RBM45: variants seen among roughly 807,000 people sequenced by gnomAD.
The protein encoded by RBM45 is RNA-binding protein 45.
A neutral mutation model predicts 58.5 loss-of-function variants in RBM45; 39 were observed. The ratio of observed to expected loss-of-function variants is 0.67; its 90% CI spans 0.52 to 0.87. RBM45 has a LOEUF of 0.87. Among genes scored for constraint, RBM45 ranks in the 40% least tolerant of loss-of-function variants. RBM45 has a pLI of 0.00. For synonymous variants in RBM45, 193 were observed against 203.0 expected (o/e 0.95, Z 0.42); for missense variants, 481 against 581.6 (o/e 0.83, Z 1.78).
chr2:178,130,153 T>A (rs1477849959), downstream of RBM45, among the ~76,000 whole-genome samples: 3 of 152,160 alleles, frequency 2.0e-5, no homozygotes, highest in East Asian at 5.8e-4. Flanking sequence ...TAATGGCCAC[T>A]CCAAAAATAT....
At chr2:178,125,953 T>C (rs756904940) in intron 8 of RBM45, 31 bp from the exon 9 acceptor site, 1 of 1,586,608 alleles carries the variant, frequency 6.3e-7, no homozygotes, top group Admixed American at 1.7e-5. Context: ...TTTATCAATT[T>C]TGGTTGATTA....
At chr2:178,113,018 A>T (rs1204561235) in intron 1 of RBM45, among the ~76,000 whole-genome samples, 172 bp downstream of exon 1, 1 of 152,158 alleles carries the variant, frequency 6.6e-6, no homozygotes, top group Non-Finnish European at 1.5e-5. Flanking sequence ...CTCCCCTCCC[A>T]CGAAGCTGCG....
downstream of RBM45, among the ~76,000 whole-genome samples, chr2:178,132,875 A>C (rs1487551827): frequency 1.3e-5 from 2 of 152,212 alleles, no homozygotes; most frequent in Admixed American, 1.3e-4. Flanking sequence ...GGCGTGAACC[A>C]CTGCACCCAG....
At chr2:178,125,594 G>C (rs2087918509) in intron 8 of RBM45, 1 of 385,392 alleles carries the variant, frequency 2.6e-6, no homozygotes, top group Non-Finnish European at 5.2e-6. Context: ...GACAATGTCA[G>C]AACGGCTCTA....
intron 7 of RBM45, 26 bp downstream of exon 7, chr2:178,123,938 A>G (rs192369980): frequency 1.9e-6 from 3 of 1,570,858 alleles, no homozygotes; most frequent in Non-Finnish European, 2.6e-6. Context: ...TTTAACCTTT[A>G]TAATATATCA....
intron 3 of RBM45, 142 bp from the exon 4 acceptor site, chr2:178,120,145 G>A: frequency 1.0e-6 from 1 of 979,834 alleles, no homozygotes; most frequent in Non-Finnish European, 1.5e-6. Context: ...AAGCAAAGAA[G>A]TAGGTCTGGA....
Position 178,112,503 on chromosome 2 carries a change from C to A in RBM45, c.-44C>A. The A allele has an allele frequency of 6.4e-7, 1 of 1,560,820 alleles. No homozygotes were observed. Among genetic ancestry groups the A allele is most frequent in the Non-Finnish European group, 8.7e-7 (1 of 1,143,436 alleles). The stretch of plus-strand genomic sequence containing the variant: ...GAGACAGCAGCGGTGGCAGACACCG[C>A]AGAAGCAAAGAGCAGTGAGGCTCCT... On this transcript the variant is annotated 5_prime_UTR_variant, in exon 1 of 10. Coordinates refer to ENST00000286070, the MANE Select transcript of RBM45 (RefSeq NM_152945.4).
chr2:178,137,280 C>G (rs891142372), exon 4 of RBM45: 3 of 152,160 alleles, frequency 2.0e-5, no homozygotes, highest in African/African-American at 7.2e-5. Flanking sequence ...ACAAGAACTG[C>G]TGATGCAAAT....
Position 178,116,285 on chromosome 2 carries a change from A to G in RBM45, c.324A>G (p.Ser108=). The change falls in exon 2 of 10, where the codon TCA becomes TCG. Residue 108 remains serine (S), a synonymous_variant. Transcript: ENST00000286070. The part of the protein sequence containing the change: ...PIKVFIAQSR[S]SGSHRDVEDE... ...AGGTTTTCATTGCTCAGTCCCGATCATCTGGAAGTCACCGAGATGTTGAAG... is the reference window on the plus strand; with the variant it reads ...AGGTTTTCATTGCTCAGTCCCGATCGTCTGGAAGTCACCGAGATGTTGAAG... 1.9e-6 allele frequency: 3 copies of G among 1,611,746 alleles called. No homozygotes were observed. Among genetic ancestry groups the G allele is most frequent in the South Asian group, 2.2e-5 (2 of 90,692 alleles).
At chr2:178,118,274 T>C in intron 3 of RBM45, 93 bp downstream of exon 3, 1 of 1,201,346 alleles carries the variant, frequency 8.3e-7, no homozygotes, top group South Asian at 1.8e-5. Context: ...CTAATAACTG[T>C]ATCTGCTAAT....
chr2:178,125,889 A>T (rs2087922474), intron 8 of RBM45, 95 bp from the exon 9 acceptor site: 1 of 867,938 alleles, frequency 1.2e-6, no homozygotes, highest in South Asian at 1.5e-5. Flanking sequence ...TCTGGGGAGA[A>T]GGGTGAAAAT....
At chr2:178,135,729 T>A (rs995127954) in intron 3 of RBM45, among the ~76,000 whole-genome samples, 1 of 152,228 alleles carries the variant, frequency 6.6e-6, no homozygotes, top group Non-Finnish European at 1.5e-5. Flanking sequence ...TCATATGTGG[T>A]ACCCACATGG....
At chr2:178,126,422 T>A (rs957587798) in intron 9 of RBM45, among the ~76,000 whole-genome samples, 3 of 152,208 alleles carry the variant, frequency 2.0e-5, no homozygotes, top group Admixed American at 6.5e-5. Context: ...GTTTGTGAAA[T>A]CTTCGATTTT....
intron 5 of RBM45, among the ~76,000 whole-genome samples, chr2:178,122,068 G>T (rs1251306040): frequency 1.3e-5 from 2 of 152,132 alleles, no homozygotes. Flanking sequence ...ATGTAGCTTT[G>T]AGACCTTGGC....
chr2:178,128,926 G>C (rs1393251077), intron 9 of RBM45, among the ~76,000 whole-genome samples: 1 of 152,054 alleles, frequency 6.6e-6, no homozygotes, highest in Admixed American at 6.6e-5. Flanking sequence ...AAGTTTTTTG[G>C]GGTAGGTGCA....
At position 178,124,041 on chromosome 2, in the gene RBM45, G is replaced by T. The variant is rs557463661; in HGVS notation, c.1069-86G>T. 2,417 of 1,484,042 alleles carry T rather than the reference G, an allele frequency of 1.6e-3. 6 individuals are homozygous for T. Among genetic ancestry groups the T allele is most frequent in the South Asian group, 2.5e-3 (199 of 80,836 alleles). 91.9% of individuals were successfully genotyped at this position (1,484,042 alleles called of 1,614,324 possible). A position where few individuals can be genotyped will look rare whatever the true frequency, so the allele number is the denominator to read the frequency against. ...AGCTATTGTGGAAGACCACATAGATGCCATGATACATATCTGTCTTTAGCT... is the reference window on the plus strand; with the variant it reads ...AGCTATTGTGGAAGACCACATAGATTCCATGATACATATCTGTCTTTAGCT... On this transcript the variant is annotated intron_variant, in intron 7 of 9. Coordinates refer to ENST00000286070, the MANE Select transcript of RBM45 (RefSeq NM_152945.4).
chr2:178,123,498 A>C (rs1419011633), intron 5 of RBM45, 24 bp from the exon 6 acceptor site: 1 of 1,536,486 alleles, frequency 6.5e-7, no homozygotes, highest in East Asian at 2.3e-5. Context: ...TTCCTTTTTC[A>C]TTTCTGTATG....
At chr2:178,117,951 C>A (rs1033506625) in intron 2 of RBM45, 104 bp from the exon 3 acceptor site, 1 of 843,290 alleles carries the variant, frequency 1.2e-6, no homozygotes, top group Non-Finnish European at 1.7e-6. Context: ...CTGCCTATTT[C>A]TTTGTTTGCA....
chr2:178,115,100 A>G (rs1195475655), intron 1 of RBM45, among the ~76,000 whole-genome samples: 1 of 152,244 alleles, frequency 6.6e-6, no homozygotes, highest in Non-Finnish European at 1.5e-5. Flanking sequence ...GTGACCAACT[A>G]TGTTATCTGG....
Sources: gnomAD v4.1 joint callset for allele counts (sites outside exome capture counted in the v4.1 genomes callset) on GRCh38, gnomAD v4.1.1 for gene constraint, MANE v1.5 for transcripts, NCBI Gene and HGNC (gene_info 2026-07-23, HGNC 2026-07-21) for gene names.